The following EYA4 variants were observed in gnomAD, a reference collection of about 807,000 sequenced individuals.
The protein encoded by EYA4 is EYA transcriptional coactivator and phosphatase 4.
Under a neutral mutation model 87.9 loss-of-function variants are expected in EYA4, and 31 were observed. That is an observed-to-expected ratio of 0.35 (90% CI 0.27 to 0.48). The LOEUF is 0.48. Among genes scored for constraint, EYA4 ranks in the 20% least tolerant of loss-of-function variants. The pLI, the probability that EYA4 is intolerant of heterozygous loss-of-function variation, is 0.99. For synonymous variants in EYA4, 263 were observed against 270.6 expected (o/e 0.97, Z 0.28); for missense variants, 678 against 761.4 (o/e 0.89, Z 1.29).
At chr6:133,265,710 CAATT>C (rs1327132984) in intron 1 of EYA4, among the ~76,000 whole-genome samples, 3 of 152,156 alleles carry the variant, frequency 2.0e-5, no homozygotes, top group South Asian at 2.1e-4. Context: ...AACCAAGTAA[CAATT>C]AATCTAAATT....
chr6:133,422,340 T>C (rs1236567189), intron 3 of EYA4, among the ~76,000 whole-genome samples: 1 of 152,224 alleles, frequency 6.6e-6, no homozygotes, highest in Non-Finnish European at 1.5e-5. Context: ...AATATGCTTT[T>C]GCCAGTTTTA....
chr6:133,477,769 T>C (rs1795865378), intron 11 of EYA4, among the ~76,000 whole-genome samples: 1 of 151,754 alleles, frequency 6.6e-6, no homozygotes, highest in Non-Finnish European at 1.5e-5. Context: ...TAAAAGACAA[T>C]AATGAAGGAC....
At position 133,530,436 on chromosome 6, in the gene EYA4, A is replaced by AACT; in HGVS notation, c.*1633_*1635dup. Reference sequence around the variant, plus strand: ...CCTTGTGGAAATTTAAGACTTTAAGAACTAGAGTATTTTTATGGTGTCTGC... The same window carrying AACT: ...CCTTGTGGAAATTTAAGACTTTAAGAACTACTAGAGTATTTTTATGGTGTCTGC... On this transcript the variant is annotated 3_prime_UTR_variant, in exon 20 of 20. Transcript: ENST00000355286. The AACT allele has an allele frequency of 1.0e-6, 1 of 985,584 alleles. No homozygotes were observed. The highest frequency in any genetic ancestry group is 1.7e-5 in the African/African-American group (1 of 57,346). The allele number at this position is 985,584 out of a possible 1,614,324, so 61.1% of individuals were successfully genotyped here.
chr6:133,263,686 A>G (rs1775979630), intron 1 of EYA4, among the ~76,000 whole-genome samples: 1 of 152,186 alleles, frequency 6.6e-6, no homozygotes, highest in Non-Finnish European at 1.5e-5. Context: ...AAACCTTAAT[A>G]TTGTACAAGA....
At chr6:133,294,062 T>TATATATATATAA (rs71003632) in intron 2 of EYA4, among the ~76,000 whole-genome samples, 19 of 105,158 alleles carry the variant, frequency 1.8e-4, no homozygotes, top group African/African-American at 5.1e-4. Context: ...TATATATATA[T>TATATATATATAA]AATTCTATTC....
At chr6:133,326,459 A>G (rs1439496611) in intron 2 of EYA4, among the ~76,000 whole-genome samples, 2 of 152,204 alleles carry the variant, frequency 1.3e-5, no homozygotes, top group African/African-American at 4.8e-5. Context: ...GAAATCTGAA[A>G]CACTTCTGGT....
intron 2 of EYA4, among the ~76,000 whole-genome samples, chr6:133,381,304 C>T (rs777389434): frequency 5.9e-5 from 9 of 151,836 alleles, no homozygotes; most frequent in South Asian, 2.1e-4. Flanking sequence ...AAGCAAAAGA[C>T]GGGATTTTTG....
At chr6:133,389,879 C>T (rs921987743) in intron 3 of EYA4, among the ~76,000 whole-genome samples, 9 of 152,210 alleles carry the variant, frequency 5.9e-5, no homozygotes, top group East Asian at 1.9e-4. Context: ...CCTGCCTCAC[C>T]TCACTGCCAC....
intron 2 of EYA4, among the ~76,000 whole-genome samples, chr6:133,349,989 G>A (rs1783515295): frequency 6.6e-6 from 1 of 152,104 alleles, no homozygotes; most frequent in South Asian, 2.1e-4. Flanking sequence ...AGAAAAGTTT[G>A]TAAAATAACT....
rs397887760 is a variant in EYA4, at chr6:133,395,246, T to TC, written c.83+12806dup. ...TCACTTAGGGATTTTTTTTTTTTTT[T>TC]CTCCAATCCAGGTCAGGTACCTAGC... On this transcript the variant is annotated intron_variant, in intron 3 of 19. Transcript: ENST00000355286. Among the ~76,000 whole-genome samples the TC allele has an allele frequency of 8.2e-3, 1,243 of 151,438 alleles. 23 individuals are homozygous for TC. Among genetic ancestry groups the TC allele is most frequent in the African/African-American group, 0.028 (1,152 of 41,272 alleles).
chr6:133,415,707 T>C (rs1055960816), intron 3 of EYA4, among the ~76,000 whole-genome samples: 6 of 152,218 alleles, frequency 3.9e-5, no homozygotes, highest in African/African-American at 1.4e-4. Context: ...GAGTTCCAAC[T>C]CCTCTGTGCA....
At chr6:133,290,550 A>C (rs1778407290) in intron 2 of EYA4, among the ~76,000 whole-genome samples, 1 of 152,096 alleles carries the variant, frequency 6.6e-6, no homozygotes, top group Non-Finnish European at 1.5e-5. Flanking sequence ...GGAGTCTGTA[A>C]TGGTTTTTCT....
At chr6:133,280,466 G>A (rs940236247) in intron 2 of EYA4, among the ~76,000 whole-genome samples, 6 of 151,272 alleles carry the variant, frequency 4.0e-5, no homozygotes, top group African/African-American at 1.2e-4. Context: ...GTACAATCTC[G>A]GCTCACTGCA....
chr6:133,442,839 T>G (rs962808840), intron 3 of EYA4, among the ~76,000 whole-genome samples: 4 of 152,110 alleles, frequency 2.6e-5, no homozygotes, highest in African/African-American at 7.2e-5. Flanking sequence ...CTTTTCTTAG[T>G]TTGCCAAGAA....
intron 2 of EYA4, among the ~76,000 whole-genome samples, chr6:133,308,647 A>G (rs1779988929): frequency 6.6e-6 from 1 of 152,112 alleles, no homozygotes; most frequent in Non-Finnish European, 1.5e-5. Flanking sequence ...TGGTTTTACT[A>G]CTTATGAGAT....
intron 17 of EYA4, among the ~76,000 whole-genome samples, chr6:133,521,996 G>A (rs1800203720): frequency 7.7e-6 from 1 of 130,196 alleles, no homozygotes; most frequent in Non-Finnish European, 1.7e-5. Flanking sequence ...GGATAGCATT[G>A]GGAGATATAC....
At chr6:133,473,843 T>C (rs779323006) in intron 11 of EYA4, among the ~76,000 whole-genome samples, 1 of 151,902 alleles carries the variant, frequency 6.6e-6, no homozygotes, top group Non-Finnish European at 1.5e-5. Flanking sequence ...TGGAACTCGT[T>C]CTTGGGGTCC....
intron 2 of EYA4, among the ~76,000 whole-genome samples, chr6:133,369,432 CATTTATA>C (rs546939639): frequency 7.2e-4 from 109 of 152,050 alleles, no homozygotes; most frequent in African/African-American, 2.5e-3. Context: ...TCTGTGTGAG[CATTTATA>C]ATTGTGTTCA....
At chr6:133,312,032 G>GTGAA (rs1419473975) in intron 2 of EYA4, among the ~76,000 whole-genome samples, 1 of 152,158 alleles carries the variant, frequency 6.6e-6, no homozygotes, top group Non-Finnish European at 1.5e-5. Flanking sequence ...GCAGGTAACA[G>GTGAA]TGAAGTCTTA....
Sources: gnomAD v4.1 joint callset for allele counts (sites outside exome capture counted in the v4.1 genomes callset) on GRCh38, gnomAD v4.1.1 for gene constraint, MANE v1.5 for transcripts, NCBI Gene and HGNC (gene_info 2026-07-23, HGNC 2026-07-21) for gene names.